Variants in TMEM117 observed in about 807,000 individuals in gnomAD.
TMEM117 encodes the protein transmembrane protein 117.
A neutral mutation model predicts 52.4 loss-of-function variants in TMEM117; 27 were observed. The ratio of observed to expected loss-of-function variants is 0.51; its 90% CI spans 0.38 to 0.71. The LOEUF is 0.71. Ranked by LOEUF, TMEM117 falls within the 30% of genes least tolerant of loss-of-function variation. The pLI is 0.00. For synonymous variants in TMEM117, 215 were observed against 206.3 expected (o/e 1.04, Z -0.36); for missense variants, 556 against 630.5 (o/e 0.88, Z 1.26).
At chr12:43,933,694 C>T (rs1489075351) in intron 2 of TMEM117, among the ~76,000 whole-genome samples, 3 of 151,974 alleles carry the variant, frequency 2.0e-5, no homozygotes, top group Non-Finnish European at 2.9e-5. Flanking sequence ...TCCCGAGTAG[C>T]TGGGAGTACA....
chr12:44,198,329 A>T (rs1235337666), intron 4 of TMEM117, among the ~76,000 whole-genome samples: 1 of 152,220 alleles, frequency 6.6e-6, no homozygotes, highest in Non-Finnish European at 1.5e-5. Flanking sequence ...TTTCCATCTC[A>T]GAGTAATTTA....
At chr12:43,926,865 A>T (rs886471461) in intron 2 of TMEM117, among the ~76,000 whole-genome samples, 1 of 151,688 alleles carries the variant, frequency 6.6e-6, no homozygotes, top group South Asian at 2.1e-4. Flanking sequence ...GTTTTATAAA[A>T]CTTTAATGTT....
chr12:43,847,441 T>G (rs1943228739), intron 2 of TMEM117, among the ~76,000 whole-genome samples: 1 of 152,132 alleles, frequency 6.6e-6, no homozygotes, highest in South Asian at 2.1e-4. Context: ...AAAAAGAAGA[T>G]CCCATGATAA....
At chr12:43,875,190 A>G (rs1310250036) in intron 2 of TMEM117, among the ~76,000 whole-genome samples, 1 of 151,468 alleles carries the variant, frequency 6.6e-6, no homozygotes, top group Non-Finnish European at 1.5e-5. Flanking sequence ...GCTTAAACTC[A>G]GGACAGGGGG....
chr12:44,088,091 C>G (rs1484444528), intron 3 of TMEM117, among the ~76,000 whole-genome samples: 1 of 152,208 alleles, frequency 6.6e-6, no homozygotes, highest in Non-Finnish European at 1.5e-5. Flanking sequence ...GAACACTTCA[C>G]TGTAGCTTTA....
intron 6 of TMEM117, among the ~76,000 whole-genome samples, chr12:44,355,783 A>C (rs1365666243): frequency 6.6e-6 from 1 of 152,062 alleles, no homozygotes; most frequent in Non-Finnish European, 1.5e-5. Flanking sequence ...GCAGGGGTAC[A>C]TAGAACTAAA....
chr12:44,380,339 G>A (rs1217689462), intron 7 of TMEM117, among the ~76,000 whole-genome samples: 1 of 152,192 alleles, frequency 6.6e-6, no homozygotes, highest in South Asian at 2.1e-4. Flanking sequence ...GATGGGAAGG[G>A]AACCTGTAGA....
Position 43,895,473 on chromosome 12 carries a change from CTT to C in TMEM117, c.278-48736_278-48735del, listed in dbSNP as rs1944184167. ...GCAATGAACATATGCGTGCATGTGT[CTT>C]GTTATATTTGAATAGTTTTACAGTT... is the stretch of plus-strand genomic sequence containing the variant. On this transcript the variant is annotated intron_variant, in intron 2 of 7. Coordinates refer to ENST00000266534, the MANE Select transcript of TMEM117 (RefSeq NM_032256.3). 3.3e-5 allele frequency among the ~76,000 whole-genome samples: 5 copies of C among 152,094 alleles called. No individual in the cohort carries two copies. In the South Asian group the frequency reaches 1.0e-3, roughly 31 times the overall value.
chr12:43,897,314 T>C (rs1362553177), intron 2 of TMEM117, among the ~76,000 whole-genome samples: 1 of 968 alleles, frequency 1.0e-3, no homozygotes, highest in Non-Finnish European at 5.7e-3. Flanking sequence ...TAACCATTCT[T>C]TTTTTTTTTT....
chr12:44,384,572 A>G (rs879634530), intron 7 of TMEM117, among the ~76,000 whole-genome samples: 4 of 152,132 alleles, frequency 2.6e-5, no homozygotes, highest in Non-Finnish European at 5.9e-5. Context: ...GATTTTTAAC[A>G]TGTTAAATAT....
intron 6 of TMEM117, chr12:44,318,438 G>A (rs1592689744): frequency 6.6e-6 from 1 of 152,232 alleles, no homozygotes; most frequent in East Asian, 1.9e-4. Context: ...CTGCCTGGAT[G>A]TGTAGCAGAG....
At position 44,162,036 on chromosome 12, in the gene TMEM117, T is replaced by C. The variant is rs1948905389; in HGVS notation, c.510+18412T>C. On this transcript the variant is annotated intron_variant, in intron 4 of 7. Coordinates refer to ENST00000266534, the MANE Select transcript of TMEM117 (RefSeq NM_032256.3). Reference sequence around the variant, plus strand: ...TGCAGTCATTTGGGAATCATCAGAATATGCCTGTTATTTGAAACTACTAAA... The same window carrying C: ...TGCAGTCATTTGGGAATCATCAGAACATGCCTGTTATTTGAAACTACTAAA... Among the ~76,000 whole-genome samples, 3 of 152,156 alleles carry C rather than the reference T, an allele frequency of 2.0e-5. No individual in the cohort carries two copies. The South Asian group carries it at 6.2e-4, about 31-fold the overall frequency.
At chr12:44,202,522 G>T (rs1022092467) in intron 4 of TMEM117, among the ~76,000 whole-genome samples, 1 of 152,124 alleles carries the variant, frequency 6.6e-6, no homozygotes, top group South Asian at 2.1e-4. Flanking sequence ...TTAGCTTTTT[G>T]ATATTCTGCT....
intron 6 of TMEM117, among the ~76,000 whole-genome samples, chr12:44,371,845 A>T (rs1180204609): frequency 6.6e-6 from 1 of 152,220 alleles, no homozygotes; most frequent in Admixed American, 6.5e-5. Context: ...AATAATAGGG[A>T]TCAGTAACTG....
chr12:44,366,811 C>T (rs1951795888), intron 6 of TMEM117, among the ~76,000 whole-genome samples: 1 of 152,098 alleles, frequency 6.6e-6, no homozygotes, highest in African/African-American at 2.4e-5. Context: ...TTTCCAAAAG[C>T]CTGCTACATT....
At chr12:44,188,611 T>C (rs1334984807) in intron 4 of TMEM117, among the ~76,000 whole-genome samples, 1 of 152,070 alleles carries the variant, frequency 6.6e-6, no homozygotes, top group Non-Finnish European at 1.5e-5. Context: ...TTTTTGTATA[T>C]AATATCTCCC....
intron 3 of TMEM117, among the ~76,000 whole-genome samples, chr12:44,073,114 A>G (rs1565816377): frequency 6.6e-6 from 1 of 152,098 alleles, no homozygotes; most frequent in African/African-American, 2.4e-5. Flanking sequence ...CAACAAAAAA[A>G]CAACCCACAT....
intron 3 of TMEM117, among the ~76,000 whole-genome samples, chr12:44,046,555 G>T (rs1946883233): frequency 6.6e-6 from 1 of 152,154 alleles, no homozygotes; most frequent in Non-Finnish European, 1.5e-5. Flanking sequence ...GGAGGTTTGG[G>T]TCACTTCACC....
At chr12:43,849,032 G>A (rs1258245573) in intron 2 of TMEM117, among the ~76,000 whole-genome samples, 1 of 152,124 alleles carries the variant, frequency 6.6e-6, no homozygotes, top group African/African-American at 2.4e-5. Flanking sequence ...TCCCAAGTAG[G>A]GTGTGGTCTT....
Sources: gnomAD v4.1 joint callset for allele counts (sites outside exome capture counted in the v4.1 genomes callset) on GRCh38, gnomAD v4.1.1 for gene constraint, MANE v1.5 for transcripts, NCBI Gene and HGNC (gene_info 2026-07-23, HGNC 2026-07-21) for gene names.